The following USP47 variants were observed in gnomAD, a reference collection of about 807,000 sequenced individuals.
USP47 encodes ubiquitin carboxyl-terminal hydrolase 47.
In USP47, 35 loss-of-function variants were observed where a neutral mutation model predicts 165.1. The ratio of observed to expected loss-of-function variants is 0.21; its 90% CI spans 0.16 to 0.28. USP47 has a LOEUF of 0.28. Among genes scored for constraint, USP47 ranks in the 10% least tolerant of loss-of-function variants. The pLI is 1.00. For missense variants in USP47, 1,277 were observed against 1,607.4 expected, an observed-to-expected ratio of 0.79 and a Z score of 3.52; for synonymous variants, 531 against 544.5, an observed-to-expected ratio of 0.98 and a Z score of 0.35.
At chr11:11,875,462 C>T (rs571231865) in intron 1 of USP47, among the ~76,000 whole-genome samples, 77 of 152,140 alleles carry the variant, frequency 5.1e-4, no homozygotes, top group Non-Finnish European at 6.0e-4. Flanking sequence ...ATCCCTTCAG[C>T]GGGCTCTAAA....
At chr11:11,880,431 T>A in intron 2 of USP47, 51 bp downstream of exon 2, 1 of 1,217,934 alleles carries the variant, frequency 8.2e-7, no homozygotes. Flanking sequence ...CCATTGTTGT[T>A]GTTGTTACTG....
At chr11:11,917,412 G>T (rs1853502985) in intron 8 of USP47, among the ~76,000 whole-genome samples, 1 of 152,174 alleles carries the variant, frequency 6.6e-6, no homozygotes, top group Non-Finnish European at 1.5e-5. Context: ...TTCGGCAAAA[G>T]AACTGTGAGC....
intron 1 of USP47, among the ~76,000 whole-genome samples, chr11:11,860,132 T>G (rs1015251472): frequency 4.0e-5 from 6 of 151,032 alleles, no homozygotes; most frequent in Admixed American, 6.6e-5. Flanking sequence ...TATATTTTAT[T>G]TCTTTTCTTA....
chr11:11,942,236 A>T (rs1485409922), intron 19 of USP47, 99 bp from the exon 20 acceptor site: 9 of 1,304,738 alleles, frequency 6.9e-6, no homozygotes. Context: ...ATGTTATAAC[A>T]TAACTGTGTA....
At chr11:11,926,508 G>A (rs775278925) in intron 11 of USP47, among the ~76,000 whole-genome samples, 20 of 151,862 alleles carry the variant, frequency 1.3e-4, no homozygotes, top group Non-Finnish European at 2.1e-4. Flanking sequence ...TATTTTTGTG[G>A]CTTCAGTATA....
intron 1 of USP47, among the ~76,000 whole-genome samples, chr11:11,847,656 T>C (rs1050847621): frequency 5.3e-5 from 8 of 152,206 alleles, no homozygotes; most frequent in Admixed American, 5.2e-4. Context: ...AAAATGTCTC[T>C]GTATCCTTAT....
rs1458174379 is a variant in USP47, at chr11:11,922,904, G to A, written c.1386+13G>A. The A allele has an allele frequency of 6.2e-7, 1 of 1,605,606 alleles. No individual in the cohort carries two copies. The highest frequency in any genetic ancestry group is 8.5e-7 in the Non-Finnish European group (1 of 1,175,928). On this transcript the variant is annotated intron_variant, in intron 11 of 27. Transcript: ENST00000527733. ...TGGACTTGAAAAGGTACCTTTTATA[G>A]TTTGCATTTTTTAGTTGAAAGTGAG... is the stretch of plus-strand genomic sequence containing the variant.
At chr11:11,845,314 C>T (rs1848365680) in intron 1 of USP47, among the ~76,000 whole-genome samples, 2 of 152,094 alleles carry the variant, frequency 1.3e-5, no homozygotes, top group South Asian at 2.1e-4. Context: ...CATTTCACTT[C>T]TGTTTGTGCT....
chr11:11,902,484 TTGCCTTGTTA>T (rs1440355550), intron 5 of USP47, among the ~76,000 whole-genome samples: 1 of 152,218 alleles, frequency 6.6e-6, no homozygotes, highest in Non-Finnish European at 1.5e-5. Context: ...TTGAGCACTT[TTGCCTTGTTA>T]TGCCTTGTTA....
At chr11:11,925,754 G>A (rs1854194802) in intron 11 of USP47, among the ~76,000 whole-genome samples, 1 of 151,526 alleles carries the variant, frequency 6.6e-6, no homozygotes. Context: ...CCTGATTGCT[G>A]TGGCTAGGAC....
At chr11:11,911,761 T>C (rs998542870) in intron 8 of USP47, among the ~76,000 whole-genome samples, 2 of 152,082 alleles carry the variant, frequency 1.3e-5, no homozygotes, top group Non-Finnish European at 2.9e-5. Context: ...ACAGATCTAA[T>C]GAACATTGCT....
At chr11:11,908,555 T>C (rs1360812220) in intron 8 of USP47, among the ~76,000 whole-genome samples, 1 of 152,116 alleles carries the variant, frequency 6.6e-6, no homozygotes, top group Non-Finnish European at 1.5e-5. Flanking sequence ...GGACTGAAAG[T>C]AGCACTCATC....
chr11:11,859,088 T>A (rs1462653818), intron 1 of USP47, among the ~76,000 whole-genome samples: 1 of 152,182 alleles, frequency 6.6e-6, no homozygotes, highest in Non-Finnish European at 1.5e-5. Context: ...TGGTATCTGT[T>A]TGTGCTTTTA....
At chr11:11,868,300 A>G (rs1437939082) in intron 1 of USP47, among the ~76,000 whole-genome samples, 1 of 152,086 alleles carries the variant, frequency 6.6e-6, no homozygotes, top group Admixed American at 6.6e-5. Context: ...TTCACTCCCT[A>G]TTCCCTCTTT....
chr11:11,911,239 C>A (rs1044732223), intron 8 of USP47, among the ~76,000 whole-genome samples: 2 of 152,016 alleles, frequency 1.3e-5, no homozygotes, highest in Non-Finnish European at 2.9e-5. Flanking sequence ...GGGACTATAA[C>A]AAAAGGTTTA....
chr11:11,923,367 T>G (rs1212010526), intron 11 of USP47, among the ~76,000 whole-genome samples: 1 of 152,010 alleles, frequency 6.6e-6, no homozygotes, highest in African/African-American at 2.4e-5. Context: ...AGATCTGATC[T>G]TTCTGAGTAG....
At chr11:11,874,544 G>A (rs75041282) in intron 1 of USP47, among the ~76,000 whole-genome samples, 1 of 151,598 alleles carries the variant, frequency 6.6e-6, no homozygotes, top group East Asian at 1.9e-4. Flanking sequence ...AAAATGAAGA[G>A]TCTAAATGAA....
chr11:11,902,757 T>C lies in USP47; in HGVS notation c.636T>C (p.Ile212=). The C allele has an allele frequency of 6.3e-7, 1 of 1,598,450 alleles. No homozygotes were observed. The highest frequency in any genetic ancestry group is 1.3e-5 in the African/African-American group (1 of 74,782). The part of the protein sequence containing the change: ...EESEEDPVTS[I]PYQLQRLFVL... ...CTGAAGAAGATCCAGTGACAAGTAT[T>C]CCATACCAACTTCAAAGGCTTTTTG... Residue 212 remains isoleucine (I), a synonymous_variant, in exon 6 of 28, where the codon ATT becomes ATC. Transcript: ENST00000527733.
At position 11,855,928 on chromosome 11, in the gene USP47, T is replaced by C. The variant is rs79039577; in HGVS notation, c.39+13704T>C. Among the ~76,000 whole-genome samples the C allele has an allele frequency of 2.7e-3, 411 of 152,280 alleles. 8 individuals carry two copies. In the East Asian group the frequency reaches 0.049, roughly 18 times the overall value. ...AGACAAACAGGTGACCAGACAAATA[T>C]ATAATGTGGAAATAAAGTGGGACCA... On this transcript the variant is annotated intron_variant, in intron 1 of 27. Coordinates refer to ENST00000527733, the MANE Select transcript of USP47 (RefSeq NM_001282659.2).
Sources: allele counts gnomAD v4.1 joint callset (sites outside exome capture counted in the v4.1 genomes callset), GRCh38; gene constraint gnomAD v4.1.1; transcripts MANE v1.5; gene names NCBI Gene and HGNC (gene_info 2026-07-23, HGNC 2026-07-21).